Variants in ROCK1 observed in about 807,000 individuals in gnomAD.
ROCK1 encodes Rho associated coiled-coil containing protein kinase 1.
Under a neutral mutation model 196.8 loss-of-function variants are expected in ROCK1, and 36 were observed. That is an observed-to-expected ratio of 0.18 (90% CI 0.14 to 0.24). The LOEUF is 0.24. Ranked by LOEUF, ROCK1 falls within the 10% of genes least tolerant of loss-of-function variation. The pLI is 1.00. For synonymous variants in ROCK1, 443 were observed against 515.9 expected, an observed-to-expected ratio of 0.86 and a Z score of 1.91; for missense variants, 920 against 1,562.0, an observed-to-expected ratio of 0.59 and a Z score of 6.93.
chr18:21,041,830 T>C (rs145240306), intron 8 of ROCK1, among the ~76,000 whole-genome samples: 28 of 152,212 alleles, frequency 1.8e-4, no homozygotes, highest in Middle Eastern at 3.4e-3. Context: ...TTTTTATAAT[T>C]AACCAAGTTA....
intron 2 of ROCK1, among the ~76,000 whole-genome samples, chr18:21,061,140 G>A (rs952305023): frequency 1.9e-4 from 28 of 150,492 alleles, no homozygotes; most frequent in Non-Finnish European, 3.0e-4. Flanking sequence ...GTGCAATGGC[G>A]CAATCTTGGC....
chr18:20,973,882 G>A (rs1171809543), intron 22 of ROCK1, among the ~76,000 whole-genome samples: 1 of 148,188 alleles, frequency 6.7e-6, no homozygotes, highest in Non-Finnish European at 1.5e-5. Context: ...CCGGGTTCAC[G>A]CCATTCTCCT....
chr18:21,020,055 T>C, intron 12 of ROCK1, 96 bp downstream of exon 12: 1 of 650,594 alleles, frequency 1.5e-6, no homozygotes, highest in Non-Finnish European at 2.5e-6. Context: ...CATCCTCATT[T>C]TCTATTTACT....
Position 21,098,120 on chromosome 18 carries a change from G to T in ROCK1, c.93+12698C>A, listed in dbSNP as rs529748981. Among the ~76,000 whole-genome samples the T allele has an allele frequency of 2.6e-5, 4 of 152,342 alleles. No homozygotes were observed. The East Asian group carries it at 7.7e-4, about 29-fold the overall frequency. On this transcript the variant is annotated intron_variant, in intron 1 of 32. Coordinates refer to ENST00000399799, the MANE Select transcript of ROCK1 (RefSeq NM_005406.3). Reference sequence around the variant, plus strand: ...AACACCCATGTGCTTCAATGTGACGGTGTATGTGCATGGGAGAGCAGGGGT... The same window carrying T: ...AACACCCATGTGCTTCAATGTGACGTTGTATGTGCATGGGAGAGCAGGGGT...
Position 20,960,132 on chromosome 18 carries a change from G to A in ROCK1, c.3423+4C>T, listed in dbSNP as rs1253623932. The A allele has an allele frequency of 2.3e-5, 36 of 1,566,472 alleles. No individual in the cohort carries two copies. The highest frequency in any genetic ancestry group is 3.0e-5 in the Non-Finnish European group (34 of 1,137,194). ...CAGTTAGAAAATAATTAGGTATATGGTACCTGTTTCTTCCAGCCATATCGT... is the reference window on the plus strand; with the variant it reads ...CAGTTAGAAAATAATTAGGTATATGATACCTGTTTCTTCCAGCCATATCGT... On this transcript the variant is annotated splice_donor_region_variant and intron_variant, in intron 28 of 32. Transcript: ENST00000399799.
chr18:21,047,573 C>A (rs2036171044), intron 4 of ROCK1, among the ~76,000 whole-genome samples: 1 of 152,118 alleles, frequency 6.6e-6, no homozygotes, highest in Non-Finnish European at 1.5e-5. Context: ...GCAGGCGGAT[C>A]ACGAGGTCAG....
chr18:21,101,068 C>A (rs994057620), intron 1 of ROCK1, among the ~76,000 whole-genome samples: 70 of 152,134 alleles, frequency 4.6e-4, no homozygotes, highest in African/African-American at 1.6e-3. Context: ...CTTGCTATAA[C>A]AAGTGGCAAT....
chr18:21,036,839 A>C (rs772850865), intron 9 of ROCK1, among the ~76,000 whole-genome samples: 1 of 152,144 alleles, frequency 6.6e-6, no homozygotes, highest in Non-Finnish European at 1.5e-5. Flanking sequence ...CATTTATTTC[A>C]TTTGAAATTA....
rs1381124708 is a variant in ROCK1 at position 21,015,416 on chromosome 18, G to C, written c.1410+15C>G. The C allele has an allele frequency of 6.6e-7, 1 of 1,523,192 alleles. No individual in the cohort carries two copies. Among genetic ancestry groups the C allele is most frequent in the Admixed American group, 1.8e-5 (1 of 56,880 alleles). 94.4% of individuals were successfully genotyped at this position (1,523,192 alleles called of 1,614,324 possible). On this transcript the variant is annotated intron_variant, in intron 13 of 32. Coordinates refer to ENST00000399799, the MANE Select transcript of ROCK1 (RefSeq NM_005406.3). Reference sequence around the variant, plus strand: ...AAATCTCAAAAAGGAAACTTGATTAGAAAACAAAAAGTACCTCTTCATCCA... The same window carrying C: ...AAATCTCAAAAAGGAAACTTGATTACAAAACAAAAAGTACCTCTTCATCCA...
chr18:20,975,306 T>C (rs533475521), intron 22 of ROCK1, among the ~76,000 whole-genome samples: 12 of 152,160 alleles, frequency 7.9e-5, no homozygotes, highest in Non-Finnish European at 1.5e-4. Context: ...GAGCAAGCCA[T>C]GTAGATACTT....
chr18:21,027,750 ATTTTTT>A (rs751964514), intron 10 of ROCK1, among the ~76,000 whole-genome samples: 2 of 95,288 alleles, frequency 2.1e-5, no homozygotes, highest in Non-Finnish European at 3.9e-5. Flanking sequence ...GAATCACTTA[ATTTTTT>A]TTTTTTTTTT....
intron 16 of ROCK1, 86 bp downstream of exon 16, chr18:21,006,265 C>A: frequency 1.0e-6 from 1 of 1,003,044 alleles, no homozygotes; most frequent in Non-Finnish European, 1.4e-6. Flanking sequence ...CATTTAATCC[C>A]ACTGAACTGT....
intron 13 of ROCK1, among the ~76,000 whole-genome samples, chr18:21,009,812 A>T (rs887866589): frequency 2.0e-5 from 3 of 152,216 alleles, no homozygotes; most frequent in African/African-American, 7.2e-5. Context: ...TAATTATGTG[A>T]ACCTCTTTTC....
chr18:21,104,942 T>G (rs1037585364), intron 1 of ROCK1, among the ~76,000 whole-genome samples: 2 of 152,204 alleles, frequency 1.3e-5, no homozygotes, highest in African/African-American at 4.8e-5. Flanking sequence ...AACGCACAGC[T>G]AGATTATGAA....
chr18:20,959,015 T>TATATAATATATATATTTTATATA, intron 29 of ROCK1, among the ~76,000 whole-genome samples: 1 of 70,676 alleles, frequency 1.4e-5, no homozygotes, highest in African/African-American at 6.9e-5. Flanking sequence ...TTTTATATAA[T>TATATAATATATATATTTTATATA]ATATATAATA....
chr18:21,017,284 C>T (rs1025560328), intron 12 of ROCK1, among the ~76,000 whole-genome samples: 3 of 151,250 alleles, frequency 2.0e-5, no homozygotes, highest in Non-Finnish European at 4.4e-5. Context: ...CTCCGTCTCC[C>T]GGGTTCATGC....
chr18:20,982,104 A>T (rs2035538332), intron 21 of ROCK1, among the ~76,000 whole-genome samples: 1 of 152,208 alleles, frequency 6.6e-6, no homozygotes, highest in African/African-American at 2.4e-5. Flanking sequence ...CACCCATCCA[A>T]ACATTTGGAG....
rs1423598237 is a variant in ROCK1 at position 21,006,800 on chromosome 18, G to T, written c.1547-10C>A. On this transcript the variant is annotated splice_polypyrimidine_tract_variant and intron_variant, in intron 14 of 32. Coordinates refer to ENST00000399799, the MANE Select transcript of ROCK1 (RefSeq NM_005406.3). ...TCCTTTAATGTAGAAACTAGAAAAT[G>T]AAAGAATAATATATAGAAATTACAA... is the stretch of plus-strand genomic sequence containing the variant. 2 of 1,488,114 alleles carry T rather than the reference G, an allele frequency of 1.3e-6. No individual in the cohort carries two copies. Among genetic ancestry groups the T allele is most frequent in the South Asian group, 2.5e-5 (2 of 81,336 alleles). 92.2% of individuals were successfully genotyped at this position (1,488,114 alleles called of 1,614,324 possible).
intron 1 of ROCK1, among the ~76,000 whole-genome samples, chr18:21,102,161 T>C (rs1168655468): frequency 2.0e-5 from 3 of 152,348 alleles, no homozygotes; most frequent in Admixed American, 6.5e-5. Flanking sequence ...CCACATCTCA[T>C]GCAAATCCTA....
Sources: allele counts gnomAD v4.1 joint callset (sites outside exome capture counted in the v4.1 genomes callset), GRCh38; gene constraint gnomAD v4.1.1; transcripts MANE v1.5; gene names NCBI Gene and HGNC (gene_info 2026-07-23, HGNC 2026-07-21).